Variants in KIRREL3 observed in about 807,000 individuals in gnomAD.
KIRREL3 encodes kin of IRRE-like protein 3.
KIRREL3 carries 36 observed loss-of-function variants against 89.7 expected under a neutral mutation model. The observed-to-expected ratio is 0.40, with a 90% CI of 0.31 to 0.53. The LOEUF is 0.53. Ranked by LOEUF, KIRREL3 falls within the 20% of genes least tolerant of loss-of-function variation. The pLI is 0.49. For missense variants in KIRREL3, 864 were observed against 1,056.6 expected (o/e 0.82, Z 2.53); for synonymous variants, 445 against 441.4 (o/e 1.01, Z -0.10).
In KIRREL3 at chr11:126,484,278, T is replaced by C. The variant is rs1957293757; in HGVS notation, c.434-10812A>G. On this transcript the variant is annotated intron_variant, in intron 4 of 16. Coordinates refer to ENST00000525144, the MANE Select transcript of KIRREL3 (RefSeq NM_032531.4). The surrounding 1 kb of genome is among the most constrained non-coding windows in gnomAD (Gnocchi z 5.2). ...GTTGCAGGGTAGGAGTCCTGGCGCCTCTTTGCCTGTCTCCCATTGCCTAGT... is the reference window on the plus strand; with the variant it reads ...GTTGCAGGGTAGGAGTCCTGGCGCCCCTTTGCCTGTCTCCCATTGCCTAGT... Among the ~76,000 whole-genome samples the C allele has an allele frequency of 6.6e-6, 1 of 152,188 alleles. No individual in the cohort carries two copies.
At chr11:126,874,480 T>A (rs1945206205) in intron 1 of KIRREL3, among the ~76,000 whole-genome samples, 1 of 152,240 alleles carries the variant, frequency 6.6e-6, no homozygotes, top group Admixed American at 6.5e-5. Context: ...TGCTGATGAC[T>A]GCACTCGGAA....
chr11:126,630,421 C>T (rs780728232), intron 1 of KIRREL3, among the ~76,000 whole-genome samples: 1 of 152,118 alleles, frequency 6.6e-6, no homozygotes, highest in Non-Finnish European at 1.5e-5. Context: ...AGGTTTTCTA[C>T]CAATTGATGG....
At chr11:126,849,295 G>A (rs1266179410) in intron 1 of KIRREL3, among the ~76,000 whole-genome samples, 3 of 152,102 alleles carry the variant, frequency 2.0e-5, no homozygotes, top group Non-Finnish European at 2.9e-5. Context: ...CTCAGAAGGG[G>A]AGGCATGAAT....
intron 9 of KIRREL3, 114 bp from the exon 10 acceptor site, chr11:126,445,219 C>T (rs1273414463): frequency 2.2e-6 from 3 of 1,355,048 alleles, no homozygotes; most frequent in Non-Finnish European, 3.0e-6. Flanking sequence ...TCTCCGGCAT[C>T]TCAGTAGGAA....
rs1209584909 is a variant in KIRREL3, at chr11:126,620,370, T to C, written c.56-57458A>G. The stretch of plus-strand genomic sequence containing the variant: ...ATGTGGCATCCAGTACCAAACACTC[T>C]TTCACCAGCCCAGGATTCTGAGGGG... On this transcript the variant is annotated intron_variant, in intron 1 of 16. Coordinates refer to ENST00000525144, the MANE Select transcript of KIRREL3 (RefSeq NM_032531.4). This position sits in a 1 kb window ranked among gnomAD's most constrained non-coding sequence, Gnocchi z 4.8. 1.3e-5 allele frequency among the ~76,000 whole-genome samples: 2 copies of C among 152,186 alleles called. No individual in the cohort carries two copies.
At position 126,640,610 on chromosome 11, in the gene KIRREL3, AGT is replaced by A. The variant is rs879262141; in HGVS notation, c.56-77700_56-77699del. Among the ~76,000 whole-genome samples, 3,574 of 152,292 alleles carry A rather than the reference AGT, an allele frequency of 0.023. 39 individuals are homozygous for A. The highest frequency in any genetic ancestry group is 0.088 in the Middle Eastern group (26 of 294). ...CAGATTAATACACCTCATAGCATTT[AGT>A]CTGAACCTTACAGCATGGTCTTAAA... is the stretch of plus-strand genomic sequence containing the variant. On this transcript the variant is annotated intron_variant, in intron 1 of 16. Coordinates refer to ENST00000525144, the MANE Select transcript of KIRREL3 (RefSeq NM_032531.4). This position sits in a 1 kb window ranked among gnomAD's most constrained non-coding sequence, Gnocchi z 4.9.
chr11:126,550,767 A>G lies in KIRREL3; in HGVS notation c.133+12068T>C, dbSNP rs534234649. 7 of 152,318 alleles carry G rather than the reference A, an allele frequency of 4.6e-5. No homozygotes were observed. Among genetic ancestry groups the G allele is most frequent in the East Asian group, 1.9e-4 (1 of 5,172 alleles). 9.4% of individuals were successfully genotyped at this position (152,318 alleles called of 1,614,324 possible). A position where few individuals can be genotyped will look rare whatever the true frequency, so the allele number is the denominator to read the frequency against. On this transcript the variant is annotated intron_variant, in intron 2 of 16. Transcript: ENST00000525144. This position sits in a 1 kb window ranked among gnomAD's most constrained non-coding sequence, Gnocchi z 4.9. ...GTTGGAGAAAACTCTCCCCAACTGC[A>G]TTTTTCCTCTACACTCACCACAACA...
rs1957556693 is a variant in KIRREL3 at position 126,492,777 on chromosome 11, T to C, written c.434-19311A>G. 6.6e-6 allele frequency among the ~76,000 whole-genome samples: 1 copy of C among 152,066 alleles called. No individual in the cohort carries two copies. On this transcript the variant is annotated intron_variant, in intron 4 of 16. Transcript: ENST00000525144. This position sits in a 1 kb window ranked among gnomAD's most constrained non-coding sequence, Gnocchi z 4.8. ...CTGGACCGTGCAGGGAGGACTGGCT[T>C]CTTACCTGCCCCGAGACCCAGCTCT...
chr11:126,870,359 A>G lies in KIRREL3; in HGVS notation c.55+130096T>C, dbSNP rs989427885. Among the ~76,000 whole-genome samples the G allele has an allele frequency of 2.6e-5, 4 of 152,200 alleles. No individual in the cohort carries two copies. The highest frequency in any genetic ancestry group is 9.6e-5 in the African/African-American group (4 of 41,460). On this transcript the variant is annotated intron_variant, in intron 1 of 16. Transcript: ENST00000525144. This position sits in a 1 kb window ranked among gnomAD's most constrained non-coding sequence, Gnocchi z 4.4. ...AGTGCAGGAGCCAGGCTGGATTCCAATGCTGTGGCTGGCTGGAGGTCCCAT... is the reference window on the plus strand; with the variant it reads ...AGTGCAGGAGCCAGGCTGGATTCCAGTGCTGTGGCTGGCTGGAGGTCCCAT...
In KIRREL3 at chr11:126,516,560, G is replaced by A. The variant is rs933683075; in HGVS notation, c.433+4755C>T. 5.3e-5 allele frequency among the ~76,000 whole-genome samples: 8 copies of A among 152,164 alleles called. No individual in the cohort carries two copies. Among genetic ancestry groups the A allele is most frequent in the East Asian group, 1.9e-4 (1 of 5,196 alleles). On this transcript the variant is annotated intron_variant, in intron 4 of 16. Coordinates refer to ENST00000525144, the MANE Select transcript of KIRREL3 (RefSeq NM_032531.4). This position sits in a 1 kb window ranked among gnomAD's most constrained non-coding sequence, Gnocchi z 4.9. ...TCTTTCGTTTCCTGATGAATCCCAC[G>A]TGTCTAGACTAGTGCTTGGCATATA...
rs1320181210 is a variant in KIRREL3, at chr11:126,704,345, G to A, written c.56-141433C>T. ...GTAGGAAGCATGTTTGTCGGGGTGTGGGGAGTGCAGGAGAGAGGAGGTGGG... is the reference window on the plus strand; with the variant it reads ...GTAGGAAGCATGTTTGTCGGGGTGTAGGGAGTGCAGGAGAGAGGAGGTGGG... On this transcript the variant is annotated intron_variant, in intron 1 of 16. Coordinates refer to ENST00000525144, the MANE Select transcript of KIRREL3 (RefSeq NM_032531.4). The surrounding 1 kb of genome is among the most constrained non-coding windows in gnomAD (Gnocchi z 4.2). Among the ~76,000 whole-genome samples, 1 of 152,220 alleles carries A rather than the reference G, an allele frequency of 6.6e-6. No individual in the cohort carries two copies. The highest frequency in any genetic ancestry group is 1.5e-5 in the Non-Finnish European group (1 of 68,038).
Position 126,499,282 on chromosome 11 carries a change from C to T in KIRREL3, c.433+22033G>A, listed in dbSNP as rs776297598. Among the ~76,000 whole-genome samples the T allele has an allele frequency of 3.9e-5, 6 of 152,126 alleles. 1 individual carries two copies. The highest frequency in any genetic ancestry group is 7.3e-5 in the Non-Finnish European group (5 of 68,030). On this transcript the variant is annotated intron_variant, in intron 4 of 16. Transcript: ENST00000525144. ...GCTAACGAAAATCCATTGGGTGACTCTCCGCCCCACTTTAGTGCCTCCTGC... is the reference window on the plus strand; with the variant it reads ...GCTAACGAAAATCCATTGGGTGACTTTCCGCCCCACTTTAGTGCCTCCTGC...
At chr11:126,845,219 C>T (rs1944099354) in intron 1 of KIRREL3, among the ~76,000 whole-genome samples, 2 of 152,132 alleles carry the variant, frequency 1.3e-5, no homozygotes, top group South Asian at 4.1e-4. Flanking sequence ...TATGTTGCAG[C>T]TTGGCACCCA....
At chr11:126,672,395 G>A in intron 1 of KIRREL3, among the ~76,000 whole-genome samples, 1 of 152,088 alleles carries the variant, frequency 6.6e-6, no homozygotes, top group Non-Finnish European at 1.5e-5. Flanking sequence ...ATACTATTCG[G>A]CAATAAAAAG....
rs1196326344 is a variant in KIRREL3 at position 126,897,793 on chromosome 11, G to A, written c.55+102662C>T. On this transcript the variant is annotated intron_variant, in intron 1 of 16. Coordinates refer to ENST00000525144, the MANE Select transcript of KIRREL3 (RefSeq NM_032531.4). The surrounding 1 kb of genome is among the most constrained non-coding windows in gnomAD (Gnocchi z 4.2). ...ATGAAAAAGAATTTAATGACCCTCT[G>A]ATATAAAATTGATCCTCTGATAAGA... Among the ~76,000 whole-genome samples the A allele has an allele frequency of 6.6e-6, 1 of 152,182 alleles. No individual in the cohort carries two copies. Among genetic ancestry groups the A allele is most frequent in the African/African-American group, 2.4e-5 (1 of 41,422 alleles).
Position 127,000,418 on chromosome 11 carries a change from C to T in KIRREL3, c.55+37G>A, listed in dbSNP as rs1304652957. Reference sequence around the variant, plus strand: ...GCCTCCCGCGCCCTGACAACCCAGCCGACTTTCTTCCAACTCCAGCAGCGC... The same window carrying T: ...GCCTCCCGCGCCCTGACAACCCAGCTGACTTTCTTCCAACTCCAGCAGCGC... On this transcript the variant is annotated intron_variant, in intron 1 of 16. Transcript: ENST00000525144. The surrounding 1 kb of genome is among the most constrained non-coding windows in gnomAD (Gnocchi z 7.1). 1 of 1,567,266 alleles carries T rather than the reference C, an allele frequency of 6.4e-7. No homozygotes were observed.
rs1006594316 is a variant in KIRREL3 at position 126,606,727 on chromosome 11, A to C, written c.56-43815T>G. 6.6e-6 allele frequency among the ~76,000 whole-genome samples: 1 copy of C among 152,194 alleles called. No homozygotes were observed. Among genetic ancestry groups the C allele is most frequent in the African/African-American group, 2.4e-5 (1 of 41,444 alleles). On this transcript the variant is annotated intron_variant, in intron 1 of 16. Transcript: ENST00000525144. This position sits in a 1 kb window ranked among gnomAD's most constrained non-coding sequence, Gnocchi z 4.6. The stretch of plus-strand genomic sequence containing the variant: ...GAGACCCAGGGGAGGGATCATGCTT[A>C]ACATTCTTGGGACATTCTCCTTGAA...
chr11:126,864,920 T>G (rs1410829845), intron 1 of KIRREL3, among the ~76,000 whole-genome samples: 1 of 152,184 alleles, frequency 6.6e-6, no homozygotes. Flanking sequence ...GTTTTCCTAC[T>G]GGCCTTAGGT....
Position 126,562,913 on chromosome 11 carries a change from C to G in KIRREL3, c.56-1G>C. On this transcript the variant is annotated splice_acceptor_variant, in intron 1 of 16. Transcript: ENST00000525144. LOFTEE classifies it high-confidence loss of function. This position sits in a 1 kb window ranked among gnomAD's most constrained non-coding sequence, Gnocchi z 4.7. ...CATCCTCTCTTCTGGAGGCCCAGCT[C>G]TGGAAGAGAAGCATAGGTGGGTGAG... 6.2e-7 allele frequency: 1 copy of G among 1,613,366 alleles called. No homozygotes were observed. The highest frequency in any genetic ancestry group is 8.5e-7 in the Non-Finnish European group (1 of 1,179,518).
Sources: allele counts gnomAD v4.1 joint callset (sites outside exome capture counted in the v4.1 genomes callset), GRCh38; gene constraint gnomAD v4.1.1; non-coding constraint Gnocchi (gnomAD v3.1); transcripts MANE v1.5; gene names NCBI Gene and HGNC (gene_info 2026-07-23, HGNC 2026-07-21).